VEPH1: variants seen among roughly 807,000 people sequenced by gnomAD.
VEPH1 encodes ventricular zone-expressed PH domain-containing protein homolog 1.
A neutral mutation model predicts 85.2 loss-of-function variants in VEPH1; 80 were observed. The observed-to-expected ratio is 0.94, with a 90% confidence interval of 0.78 to 1.13. The LOEUF is 1.13. Ranked by LOEUF, VEPH1 falls within the 50% of genes most tolerant of loss-of-function variation. The pLI is 0.00. For synonymous variants in VEPH1, 297 were observed against 348.0 expected (o/e 0.85, Z 1.63); for missense variants, 955 against 980.5 (o/e 0.97, Z 0.35).
chr3:157,322,954 T>A (rs184928436), intron 9 of VEPH1, among the ~76,000 whole-genome samples: 1 of 152,322 alleles, frequency 6.6e-6, no homozygotes, highest in Non-Finnish European at 1.5e-5. Context: ...AAGTATGTTT[T>A]TGAAGTCAAC....
intron 4 of VEPH1, among the ~76,000 whole-genome samples, chr3:157,444,223 G>T (rs1734368200): frequency 6.6e-6 from 1 of 152,182 alleles, no homozygotes; most frequent in Non-Finnish European, 1.5e-5. Flanking sequence ...TCCTCTGAAA[G>T]ATAGGGCATG....
intron 11 of VEPH1, among the ~76,000 whole-genome samples, chr3:157,300,301 G>A (rs1718641332): frequency 6.6e-6 from 1 of 152,196 alleles, no homozygotes; most frequent in Admixed American, 6.5e-5. Context: ...CCCAGGAATA[G>A]AGTTATTTCG....
At chr3:157,292,929 G>A (rs182355073) in intron 11 of VEPH1, among the ~76,000 whole-genome samples, 3 of 148,920 alleles carry the variant, frequency 2.0e-5, no homozygotes, top group Admixed American at 6.7e-5. Flanking sequence ...GTTGCGGTGA[G>A]CTGAGATCGC....
At chr3:157,470,148 T>G (rs1048669929) in intron 3 of VEPH1, among the ~76,000 whole-genome samples, 166 bp downstream of exon 3, 5 of 152,194 alleles carry the variant, frequency 3.3e-5, no homozygotes, top group Non-Finnish European at 7.3e-5. Flanking sequence ...TCTACAGAAC[T>G]TTCTCAGTTT....
At chr3:157,294,840 C>T (rs1349744964) in intron 11 of VEPH1, among the ~76,000 whole-genome samples, 1 of 152,164 alleles carries the variant, frequency 6.6e-6, no homozygotes, top group African/African-American at 2.4e-5. Context: ...AAGTGAAATA[C>T]CATCTAGAGA....
intron 2 of VEPH1, among the ~76,000 whole-genome samples, chr3:157,494,325 A>G (rs889321713): frequency 3.3e-5 from 5 of 151,046 alleles, no homozygotes; most frequent in Admixed American, 6.5e-5. Flanking sequence ...CATCTTTCCA[A>G]TGAGTGTCTG....
intron 6 of VEPH1, among the ~76,000 whole-genome samples, chr3:157,411,703 G>T (rs1214499004): frequency 2.0e-5 from 3 of 152,174 alleles, no homozygotes; most frequent in Non-Finnish European, 4.4e-5. Context: ...GTCCCAGGAA[G>T]GGGGGTGAAT....
intron 4 of VEPH1, among the ~76,000 whole-genome samples, chr3:157,455,425 G>A (rs780554887): frequency 1.8e-3 from 151 of 82,442 alleles, no homozygotes; most frequent in Non-Finnish European, 2.9e-3. Flanking sequence ...GTCCTTTGCC[G>A]CCTTTTTTTT....
intron 9 of VEPH1, among the ~76,000 whole-genome samples, chr3:157,328,598 C>A (rs1478256724): frequency 6.6e-6 from 1 of 152,272 alleles, no homozygotes; most frequent in East Asian, 1.9e-4. Context: ...AACCTCATAA[C>A]AATGCATGAA....
At chr3:157,373,173 T>C (rs138151471) in intron 7 of VEPH1, among the ~76,000 whole-genome samples, 24 of 152,292 alleles carry the variant, frequency 1.6e-4, no homozygotes, top group African/African-American at 5.5e-4. Flanking sequence ...CAACATTAAA[T>C]CCAACTGTTT....
intron 7 of VEPH1, among the ~76,000 whole-genome samples, chr3:157,378,432 G>T (rs1305363425): frequency 1.3e-5 from 2 of 148,644 alleles, no homozygotes; most frequent in African/African-American, 5.0e-5. Context: ...ATTTTTGGTT[G>T]TCACAATTGA....
chr3:157,493,286 C>G (rs1258830333), intron 2 of VEPH1: 1 of 456,166 alleles, frequency 2.2e-6, no homozygotes, highest in Non-Finnish European at 4.4e-6. Context: ...CCTTCCTGTT[C>G]TACGTTTCTG....
intron 9 of VEPH1, among the ~76,000 whole-genome samples, chr3:157,320,832 G>A (rs1721270228): frequency 6.6e-6 from 1 of 152,070 alleles, no homozygotes; most frequent in African/African-American, 2.4e-5. Context: ...TCTTCTTTGA[G>A]TCAAAATCTT....
rs1474644681 is a variant in VEPH1 at position 157,260,662 on chromosome 3, A to G, written c.*472T>C. 2 of 152,454 alleles carry G rather than the reference A, an allele frequency of 1.3e-5. No individual in the cohort carries two copies. Among genetic ancestry groups the G allele is most frequent in the African/African-American group, 4.8e-5 (2 of 41,370 alleles). The allele number at this position is 152,454 out of a possible 1,614,324, so 9.4% of individuals were successfully genotyped here. ...ATAAGTAAGTTATATGGTTTTTCTC[A>G]GTGTACATTAGTTCAACGTTTCTAA... On this transcript the variant is annotated 3_prime_UTR_variant, in exon 14 of 14. Transcript: ENST00000362010.
At position 157,437,804 on chromosome 3, in the gene VEPH1, G is replaced by T. The variant is rs373009649; in HGVS notation, c.530-9316C>A. 3 of 1,460,978 alleles carry T rather than the reference G, an allele frequency of 2.1e-6. No individual in the cohort carries two copies. The highest frequency in any genetic ancestry group is 1.8e-6 in the Non-Finnish European group (2 of 1,120,572). The allele number at this position is 1,460,978 out of a possible 1,614,324, so 90.5% of individuals were successfully genotyped here. ...CGTATGGAGGGCGCGGAGGCGCAGC[G>T]CCCAGAGGAGGCGGGGCGCGCCCTG... On this transcript the variant is annotated intron_variant, in intron 4 of 13. Transcript: ENST00000362010.
chr3:157,275,910 A>G (rs1018836451), intron 12 of VEPH1, among the ~76,000 whole-genome samples: 2 of 152,154 alleles, frequency 1.3e-5, no homozygotes, highest in Admixed American at 6.5e-5. Flanking sequence ...TCCAGAGGAT[A>G]TGCAAAAAGA....
chr3:157,479,866 A>G (rs993993123), intron 2 of VEPH1, among the ~76,000 whole-genome samples: 6 of 152,214 alleles, frequency 3.9e-5, no homozygotes, highest in African/African-American at 1.4e-4. Context: ...TCTGGTGCAC[A>G]GTAAGTGCAG....
chr3:157,341,014 C>T (rs1186903682), intron 9 of VEPH1, among the ~76,000 whole-genome samples: 1 of 152,142 alleles, frequency 6.6e-6, no homozygotes, highest in Non-Finnish European at 1.5e-5. Flanking sequence ...CACACCAAAA[C>T]CCCGTCTGTA....
At chr3:157,295,305 A>G (rs562753018) in intron 11 of VEPH1, among the ~76,000 whole-genome samples, 95 of 152,250 alleles carry the variant, frequency 6.2e-4, no homozygotes, top group Non-Finnish European at 8.4e-4. Context: ...GGTTCTGCCA[A>G]CTTGCTATTC....
Sources: gnomAD v4.1 joint callset for allele counts (sites outside exome capture counted in the v4.1 genomes callset) on GRCh38, gnomAD v4.1.1 for gene constraint, MANE v1.5 for transcripts, NCBI Gene and HGNC (gene_info 2026-07-23, HGNC 2026-07-21) for gene names.